ARHGEF3: variants seen among roughly 807,000 people sequenced by gnomAD.
The protein encoded by ARHGEF3 is Rho guanine nucleotide exchange factor 3.
Under a neutral mutation model 63.2 loss-of-function variants are expected in ARHGEF3, and 28 were observed. The ratio of observed to expected loss-of-function variants is 0.44; its 90% CI spans 0.33 to 0.61. The LOEUF (loss-of-function observed/expected upper bound fraction) is 0.61, where lower values mean the gene tolerates loss of function less well. ARHGEF3 is among the 20% of genes least tolerant of loss of function. The pLI is 0.03. For missense variants in ARHGEF3, 533 were observed against 659.3 expected, an observed-to-expected ratio of 0.81 and a Z score of 2.10; for synonymous variants, 266 against 254.2, an observed-to-expected ratio of 1.05 and a Z score of -0.44.
chr3:56,784,765 G>C (rs894623028), intron 1 of ARHGEF3, among the ~76,000 whole-genome samples: 2 of 152,160 alleles, frequency 1.3e-5, no homozygotes, highest in African/African-American at 2.4e-5. Flanking sequence ...GGCCCAAAGA[G>C]TGCATTGATT....
At chr3:56,745,662 G>C (rs1360727641) in intron 6 of ARHGEF3, among the ~76,000 whole-genome samples, 200 bp from the exon 7 acceptor site, 1 of 152,018 alleles carries the variant, frequency 6.6e-6, no homozygotes, top group Non-Finnish European at 1.5e-5. Context: ...GCTCTGGCTT[G>C]CTTTCACAAA....
At chr3:56,838,235 G>A (rs1416005782) in intron 4 of ARHGEF3, among the ~76,000 whole-genome samples, 1 of 151,768 alleles carries the variant, frequency 6.6e-6, no homozygotes, top group Non-Finnish European at 1.5e-5. Context: ...ACTGTGGGGG[G>A]GAATAATTAA....
intron 4 of ARHGEF3, among the ~76,000 whole-genome samples, chr3:56,808,001 G>A (rs1237006720): frequency 2.0e-5 from 3 of 151,986 alleles, no homozygotes; most frequent in Non-Finnish European, 4.4e-5. Context: ...GCGGGTGCCT[G>A]TAGTCCTAGA....
chr3:56,863,828 C>A (rs2040157477), intron 4 of ARHGEF3, among the ~76,000 whole-genome samples: 1 of 152,114 alleles, frequency 6.6e-6, no homozygotes, highest in Non-Finnish European at 1.5e-5. Flanking sequence ...CACAATTCAT[C>A]TATATTATTT....
rs2038086109 is a variant in ARHGEF3, at chr3:56,812,037, A to G, written c.193-38221T>C. Among the ~76,000 whole-genome samples, 6 of 152,132 alleles carry G rather than the reference A, an allele frequency of 3.9e-5. No homozygotes were observed. The South Asian group carries it at 1.2e-3, about 32-fold the overall frequency. ...AGGGACCATATCTATCTTGCTCATC[A>G]CAGTAGCCCCAGCTCCTCCTATTAC... On this transcript the variant is annotated intron_variant, in intron 4 of 12. Transcript: ENST00000338458.
chr3:57,017,032 T>TCA (rs1553806980), intron 2 of ARHGEF3, among the ~76,000 whole-genome samples: 19,296 of 104,078 alleles, frequency 0.19, 1,668 homozygotes, highest in East Asian at 0.27. Flanking sequence ...TCTCTCTCTC[T>TCA]CACACACACA....
intron 8 of ARHGEF3, among the ~76,000 whole-genome samples, chr3:56,736,182 A>G (rs1447855996): frequency 7.9e-5 from 12 of 151,746 alleles, no homozygotes; most frequent in Admixed American, 7.9e-4. Context: ...TTAAACAAGC[A>G]TTCATTCATT....
At chr3:56,993,319 G>A (rs1328546366) in intron 2 of ARHGEF3, among the ~76,000 whole-genome samples, 1 of 152,182 alleles carries the variant, frequency 6.6e-6, no homozygotes, top group African/African-American at 2.4e-5. Context: ...GCAGGAAGAA[G>A]ACCCCAACCA....
At chr3:56,809,477 G>A (rs915970569) in intron 4 of ARHGEF3, among the ~76,000 whole-genome samples, 5 of 152,226 alleles carry the variant, frequency 3.3e-5, no homozygotes, top group South Asian at 4.1e-4. Flanking sequence ...GATATATGGT[G>A]TTTCTGGATG....
At chr3:56,893,355 G>A (rs1662052964) in intron 3 of ARHGEF3, among the ~76,000 whole-genome samples, 1 of 152,038 alleles carries the variant, frequency 6.6e-6, no homozygotes, top group African/African-American at 2.4e-5. Context: ...TTATTTTACT[G>A]TTATGTAGAG....
chr3:56,760,606 T>TG (rs1425983564), intron 2 of ARHGEF3, among the ~76,000 whole-genome samples: 4 of 152,168 alleles, frequency 2.6e-5, no homozygotes, highest in Admixed American at 2.6e-4. Flanking sequence ...CCCTGCAAGT[T>TG]GGGGGTTTAT....
intron 3 of ARHGEF3, among the ~76,000 whole-genome samples, chr3:56,934,615 G>A (rs925112205): frequency 1.3e-5 from 2 of 152,198 alleles, no homozygotes; most frequent in South Asian, 2.1e-4. Flanking sequence ...CCGGGCCAGC[G>A]GCTGCGGAGG....
rs371493099 is a variant in ARHGEF3 at position 56,743,260 on chromosome 3, C to T, written c.870+1945G>A. Among the ~76,000 whole-genome samples, 4 of 152,304 alleles carry T rather than the reference C, an allele frequency of 2.6e-5. No homozygotes were observed. The East Asian group carries it at 5.8e-4, about 22-fold the overall frequency. On this transcript the variant is annotated intron_variant, in intron 7 of 9. Coordinates refer to ENST00000296315, the MANE Select transcript of ARHGEF3 (RefSeq NM_019555.3). ...ATGAATCAGAAGAGGGTCCTTTATT[C>T]TTCTTTTCTATCCTACTTGGAGGCA...
chr3:57,029,307 G>A (rs924693000), intron 2 of ARHGEF3, among the ~76,000 whole-genome samples: 1 of 152,118 alleles, frequency 6.6e-6, no homozygotes, highest in Non-Finnish European at 1.5e-5. Flanking sequence ...GCACATGCCT[G>A]TAATCACAGC....
Position 56,797,366 on chromosome 3 carries a change from C to T in ARHGEF3, c.96+4337G>A, listed in dbSNP as rs4499565. On this transcript the variant is annotated intron_variant, in intron 1 of 9. Transcript: ENST00000296315. ...AAATAATTTTCCAACTGAACAGCCT[C>T]GGAATGATGGCTCAATGACCATAAC... Among the ~76,000 whole-genome samples, 764 of 152,282 alleles carry T rather than the reference C, an allele frequency of 5.0e-3. 22 individuals carry two copies. In the East Asian group the frequency reaches 0.081, roughly 16 times the overall value.
At chr3:56,756,561 T>C (rs990728965) in intron 2 of ARHGEF3, among the ~76,000 whole-genome samples, 1 of 148,144 alleles carries the variant, frequency 6.8e-6, no homozygotes, top group Middle Eastern at 3.4e-3. Flanking sequence ...TTTTTTTTTT[T>C]TTTTTTGAGA....
chr3:56,908,594 A>G (rs769158371), intron 3 of ARHGEF3, among the ~76,000 whole-genome samples: 1 of 152,202 alleles, frequency 6.6e-6, no homozygotes, highest in Non-Finnish European at 1.5e-5. Context: ...CAGTTTTGCA[A>G]CATGATCCAT....
At chr3:56,768,124 T>C (rs1351228331) in intron 2 of ARHGEF3, among the ~76,000 whole-genome samples, 1 of 152,150 alleles carries the variant, frequency 6.6e-6, no homozygotes, top group Non-Finnish European at 1.5e-5. Flanking sequence ...TGGCGCAATC[T>C]CTGCTCGCTG....
At chr3:56,984,452 G>A (rs565341406) in intron 2 of ARHGEF3, among the ~76,000 whole-genome samples, 2 of 152,268 alleles carry the variant, frequency 1.3e-5, no homozygotes, top group South Asian at 4.2e-4. Flanking sequence ...AAGGAAGGGA[G>A]GGAGGTGGAC....
Sources: allele counts gnomAD v4.1 joint callset (sites outside exome capture counted in the v4.1 genomes callset), GRCh38; gene constraint gnomAD v4.1.1; transcripts MANE v1.5; gene names NCBI Gene and HGNC (gene_info 2026-07-23, HGNC 2026-07-21).